Variants in ETFA observed in about 807,000 individuals in gnomAD.
ETFA encodes the protein electron transfer flavoprotein subunit alpha.
Under a neutral mutation model 46.2 loss-of-function variants are expected in ETFA, and 22 were observed. That is an observed-to-expected ratio of 0.48 (90% CI 0.34 to 0.68). ETFA has a LOEUF of 0.68. ETFA is among the 30% of genes least tolerant of loss of function. ETFA has a pLI of 0.01. For synonymous variants in ETFA, 131 were observed against 139.9 expected (o/e 0.94, Z 0.45); for missense variants, 345 against 401.1 (o/e 0.86, Z 1.19).
At chr15:76,263,955 C>T (rs1462990800) in intron 9 of ETFA, among the ~76,000 whole-genome samples, 1 of 152,218 alleles carries the variant, frequency 6.6e-6, no homozygotes, top group Non-Finnish European at 1.5e-5. Flanking sequence ...GAAAATGAAT[C>T]AGCTGAAAAA....
At chr15:76,279,886 T>G (rs1349652645) in intron 8 of ETFA, among the ~76,000 whole-genome samples, 1 of 142,992 alleles carries the variant, frequency 7.0e-6, no homozygotes, top group African/African-American at 2.5e-5. Context: ...TAGTCCTGAG[T>G]TTTTTTTTTT....
chr15:76,232,993 AG>A (rs1219858739), intron 9 of ETFA, among the ~76,000 whole-genome samples: 3 of 152,222 alleles, frequency 2.0e-5, no homozygotes, highest in African/African-American at 7.2e-5. Flanking sequence ...TAGTCCCCAA[AG>A]TGAGTTAATC....
intron 9 of ETFA, among the ~76,000 whole-genome samples, chr15:76,263,595 C>T (rs1031192139): frequency 2.0e-5 from 3 of 152,104 alleles, no homozygotes; most frequent in Admixed American, 6.5e-5. Context: ...AGCAGTTTTG[C>T]CCATGGTTTC....
chr15:76,241,249 C>T (rs2039183864), intron 9 of ETFA, among the ~76,000 whole-genome samples: 1 of 152,018 alleles, frequency 6.6e-6, no homozygotes, highest in African/African-American at 2.4e-5. Flanking sequence ...GCCTGTAATC[C>T]TAGCACTTTG....
chr15:76,303,678 C>T (rs2039905404), intron 1 of ETFA, among the ~76,000 whole-genome samples: 1 of 152,016 alleles, frequency 6.6e-6, no homozygotes, highest in African/African-American at 2.4e-5. Flanking sequence ...TCATATGTGG[C>T]CAACAAGCAT....
intron 9 of ETFA, among the ~76,000 whole-genome samples, chr15:76,265,479 T>C (rs1030188322): frequency 6.6e-6 from 1 of 152,238 alleles, no homozygotes; most frequent in Non-Finnish European, 1.5e-5. Flanking sequence ...GTATAGTAAC[T>C]ATTCAGAGAA....
intron 7 of ETFA, chr15:76,284,412 G>A (rs2039686005): frequency 5.2e-6 from 1 of 191,014 alleles, no homozygotes; most frequent in African/African-American, 2.4e-5. Context: ...ATCACCTGAG[G>A]TCAGGATTTC....
At chr15:76,311,267 GC>G (rs2039994957) in intron 1 of ETFA, 82 bp downstream of exon 1, 8 of 1,459,222 alleles carry the variant, frequency 5.5e-6, no homozygotes, top group Admixed American at 4.1e-5. Flanking sequence ...ATCTGAGGGG[GC>G]CAGTGATCTT....
intron 11 of ETFA, among the ~76,000 whole-genome samples, chr15:76,220,980 C>A (rs1160097935): frequency 6.6e-6 from 1 of 152,174 alleles, no homozygotes; most frequent in African/African-American, 2.4e-5. Flanking sequence ...CCTAGACATC[C>A]ATCCAAAAGA....
intron 5 of ETFA, among the ~76,000 whole-genome samples, chr15:76,287,527 AT>A (rs760771623): frequency 7.9e-5 from 12 of 151,428 alleles, no homozygotes; most frequent in East Asian, 1.9e-4. Flanking sequence ...TGAGAATACT[AT>A]TTTTTTTTAA....
chr15:76,303,828 C>A (rs975125129), intron 1 of ETFA, among the ~76,000 whole-genome samples: 8 of 152,214 alleles, frequency 5.3e-5, no homozygotes, highest in African/African-American at 1.9e-4. Flanking sequence ...AGAAAAGGAA[C>A]GCTTATATAC....
intron 9 of ETFA, among the ~76,000 whole-genome samples, chr15:76,241,552 G>A (rs2039188732): frequency 1.3e-5 from 2 of 152,038 alleles, no homozygotes; most frequent in South Asian, 4.1e-4. Flanking sequence ...TGTAATCCAA[G>A]CACTTTGGGA....
chr15:76,291,446 G>GA (rs754954938), intron 4 of ETFA, among the ~76,000 whole-genome samples: 71,900 of 93,364 alleles, frequency 0.77, 28,740 homozygotes, highest in East Asian at 0.94. Context: ...ACTCCATCTC[G>GA]AAAAAAAAAA....
chr15:76,224,974 G>C (rs1334819494), intron 11 of ETFA, among the ~76,000 whole-genome samples: 1 of 152,078 alleles, frequency 6.6e-6, no homozygotes, highest in African/African-American at 2.4e-5. Flanking sequence ...CGGCAAGAGA[G>C]AAGGAACACT....
chr15:76,257,117 T>A (rs547645949), intron 9 of ETFA, among the ~76,000 whole-genome samples: 1 of 152,304 alleles, frequency 6.6e-6, no homozygotes, highest in East Asian at 1.9e-4. Context: ...AAACAGCAAC[T>A]AACAGCTTGG....
In ETFA at chr15:76,286,419, A is replaced by T; in HGVS notation, c.514T>A (p.Ser172Thr). 2 of 1,613,918 alleles carry T rather than the reference A, an allele frequency of 1.2e-6. No homozygotes were observed. Among genetic ancestry groups the T allele is most frequent in the Non-Finnish European group, 1.7e-6 (2 of 1,179,780 alleles). Reference protein sequence around the residue: ...KVKVFSVRGTSFDAAATSGGS... With the variant: ...KVKVFSVRGTTFDAAATSGGS... ...CCACTTGTTGCTGCAGCATCAAAGG[A>T]TGTTCCACGGACAGAAAACACTTTC... The change falls in exon 6 of 12, where the codon TCC becomes ACC. Residue 172 changes from serine (S) to threonine (T), a missense_variant. Transcript: ENST00000557943.
chr15:76,222,671 C>T (rs2038969036), intron 11 of ETFA, among the ~76,000 whole-genome samples: 1 of 151,910 alleles, frequency 6.6e-6, no homozygotes, highest in Admixed American at 6.6e-5. Context: ...GAAGCAGGAC[C>T]CTGGCTTAGT....
chr15:76,292,375 T>C (rs2039773218), intron 4 of ETFA, 56 bp downstream of exon 4: 4 of 1,197,632 alleles, frequency 3.3e-6, no homozygotes, highest in Non-Finnish European at 5.0e-6. Flanking sequence ...TTCAGCACAA[T>C]GAAATCTAAC....
chr15:76,304,225 T>C (rs2039913211), intron 1 of ETFA, among the ~76,000 whole-genome samples: 2 of 152,206 alleles, frequency 1.3e-5, no homozygotes, highest in African/African-American at 4.8e-5. Context: ...CTCTTGTAAG[T>C]GGCAGCCAAA....
Sources: gnomAD v4.1 joint callset for allele counts (sites outside exome capture counted in the v4.1 genomes callset) on GRCh38, gnomAD v4.1.1 for gene constraint, MANE v1.5 for transcripts, NCBI Gene and HGNC (gene_info 2026-07-23, HGNC 2026-07-21) for gene names.